Variants in PITPNA observed in about 807,000 individuals in gnomAD.
The protein encoded by PITPNA is phosphatidylinositol transfer protein alpha.
Under a neutral mutation model 50.3 loss-of-function variants are expected in PITPNA, and 13 were observed. The ratio of observed to expected loss-of-function variants is 0.26; its 90% CI spans 0.17 to 0.41. The LOEUF (loss-of-function observed/expected upper bound fraction) is 0.41. Ranked by LOEUF, PITPNA falls within the 10% of genes least tolerant of loss-of-function variation. The pLI, the probability that PITPNA is intolerant of heterozygous loss-of-function variation, is 1.00. For missense variants in PITPNA, 207 were observed against 333.4 expected (o/e 0.62, Z 2.95); for synonymous variants, 120 against 119.6 (o/e 1.00, Z -0.02).
intron 1 of PITPNA, chr17:1,559,770 A>G (rs1182264207): frequency 3.0e-6 from 3 of 985,292 alleles, no homozygotes; most frequent in Non-Finnish European, 3.6e-6. Flanking sequence ...AAGGCAAGAC[A>G]CCAAGCAGGA....
At chr17:1,537,172 T>G (rs2075623030) in intron 7 of PITPNA, among the ~76,000 whole-genome samples, 1 of 152,130 alleles carries the variant, frequency 6.6e-6, no homozygotes, top group Admixed American at 6.5e-5. Context: ...CAAGCGATTC[T>G]CCTGCCTCAG....
intron 10 of PITPNA, among the ~76,000 whole-genome samples, chr17:1,528,069 T>C (rs955533730): frequency 2.0e-5 from 3 of 152,170 alleles, no homozygotes; most frequent in African/African-American, 7.2e-5. Flanking sequence ...CCTGCACCTG[T>C]AGTCCCAGCT....
At chr17:1,530,871 G>A (rs2075578043) in intron 10 of PITPNA, among the ~76,000 whole-genome samples, 1 of 152,186 alleles carries the variant, frequency 6.6e-6, no homozygotes, top group East Asian at 1.9e-4. Context: ...GGAGAGCGGA[G>A]AAGGAGCTGC....
intron 2 of PITPNA, among the ~76,000 whole-genome samples, chr17:1,553,544 T>C (rs1181155479): frequency 1.3e-5 from 2 of 152,046 alleles, no homozygotes; most frequent in African/African-American, 4.8e-5. Context: ...TCCCAGTCAA[T>C]CCATCAGGAT....
intron 3 of PITPNA, among the ~76,000 whole-genome samples, chr17:1,550,655 A>G (rs775930846): frequency 6.6e-6 from 1 of 152,088 alleles, no homozygotes; most frequent in African/African-American, 2.4e-5. Flanking sequence ...CAGCCTCCCA[A>G]GTAGCTGGGA....
In PITPNA at chr17:1,517,963, A is replaced by G. The variant is rs2075476045; in HGVS notation, c.*2598T>C. The G allele has an allele frequency of 6.6e-6, 1 of 152,622 alleles. No individual in the cohort carries two copies. Among genetic ancestry groups the G allele is most frequent in the African/African-American group, 2.4e-5 (1 of 41,426 alleles). 9.5% of individuals were successfully genotyped at this position (152,622 alleles called of 1,614,324 possible). A position where few individuals can be genotyped will look rare whatever the true frequency, so the allele number is the denominator to read the frequency against. ...GAGGATACATACAGCTGGAAAATGGACATCACCAAACTGGACTCCAGAAAG... is the reference window on the plus strand; with the variant it reads ...GAGGATACATACAGCTGGAAAATGGGCATCACCAAACTGGACTCCAGAAAG... On this transcript the variant is annotated 3_prime_UTR_variant, in exon 12 of 12. Transcript: ENST00000313486.
chr17:1,540,925 G>A (rs989469676), intron 6 of PITPNA, among the ~76,000 whole-genome samples: 1 of 152,126 alleles, frequency 6.6e-6, no homozygotes, highest in Admixed American at 6.5e-5. Context: ...TGGAGACAGG[G>A]TGTCACTCTG....
At chr17:1,557,858 T>C in intron 2 of PITPNA, among the ~76,000 whole-genome samples, 1 of 152,146 alleles carries the variant, frequency 6.6e-6, no homozygotes, top group East Asian at 1.9e-4. Context: ...GCTGGTTTGT[T>C]GCACAACCAG....
At chr17:1,542,892 G>A (rs2075654793) in intron 5 of PITPNA, 128 bp downstream of exon 5, 2 of 689,786 alleles carry the variant, frequency 2.9e-6, no homozygotes, top group South Asian at 3.3e-5. Flanking sequence ...CCACTGACAG[G>A]ACTGAGCCTC....
chr17:1,534,982 G>A (rs1370970070), intron 9 of PITPNA, among the ~76,000 whole-genome samples, 200 bp downstream of exon 9: 1 of 151,824 alleles, frequency 6.6e-6, no homozygotes, highest in Non-Finnish European at 1.5e-5. Context: ...ACCCCCCACC[G>A]CACACACACG....
At position 1,552,986 on chromosome 17, in the gene PITPNA, G is replaced by A. The variant is rs753074957; in HGVS notation, c.197+18C>T. On this transcript the variant is annotated intron_variant, in intron 3 of 11. Transcript: ENST00000313486. ...CACACAAAAGCCAGCATCCGGCCCC[G>A]CTGCTCATGCCGCATACCTCTGCAG... 1.6e-5 allele frequency: 25 copies of A among 1,612,504 alleles called. No homozygotes were observed. The highest frequency in any genetic ancestry group is 1.3e-4 in the African/African-American group (10 of 74,902).
At position 1,535,685 on chromosome 17, in the gene PITPNA, C is replaced by T. The variant is rs1276725058; in HGVS notation, c.457-167G>A. 6 of 625,936 alleles carry T rather than the reference C, an allele frequency of 9.6e-6. No homozygotes were observed. The African/African-American group carries it at 1.1e-4, about 11-fold the overall frequency. The allele number at this position is 625,936 out of a possible 1,614,324, so 38.8% of individuals were successfully genotyped here. ...CAAGATGTAGAACTGTTTACATTAG[C>T]CTCAGAGGAGAGTTCTATGTGATTT... On this transcript the variant is annotated intron_variant, in intron 7 of 11. Transcript: ENST00000313486.
intron 7 of PITPNA, among the ~76,000 whole-genome samples, chr17:1,537,980 T>C (rs2075627879): frequency 6.6e-6 from 1 of 152,110 alleles, no homozygotes; most frequent in Admixed American, 6.5e-5. Flanking sequence ...TTTGTATTTT[T>C]AGTAGAGATG....
intron 1 of PITPNA, among the ~76,000 whole-genome samples, chr17:1,560,978 A>G (rs780103982): frequency 6.6e-6 from 1 of 152,182 alleles, no homozygotes; most frequent in East Asian, 1.9e-4. Flanking sequence ...GGGGATGGTC[A>G]AAGTGCGATC....
At chr17:1,561,274 C>T (rs1346587198) in intron 1 of PITPNA, 2 of 152,264 alleles carry the variant, frequency 1.3e-5, no homozygotes, top group African/African-American at 4.8e-5. Flanking sequence ...CACCTGTCCC[C>T]CAGTCCCCTG....
chr17:1,530,051 G>A (rs1418848645), intron 10 of PITPNA, among the ~76,000 whole-genome samples: 3 of 152,084 alleles, frequency 2.0e-5, no homozygotes, highest in East Asian at 1.9e-4. Flanking sequence ...AGGTTGCCAT[G>A]AAAACTGGGT....
chr17:1,550,412 G>C (rs561472518), intron 3 of PITPNA, among the ~76,000 whole-genome samples: 46 of 152,360 alleles, frequency 3.0e-4, no homozygotes, highest in South Asian at 2.1e-3. Context: ...GCTAAGCTAA[G>C]AGACAGATGG....
intron 11 of PITPNA, among the ~76,000 whole-genome samples, chr17:1,520,975 C>T (rs771509754): frequency 6.6e-6 from 1 of 152,058 alleles, no homozygotes; most frequent in African/African-American, 2.4e-5. Context: ...AAACCAGCAC[C>T]GAGAGTTAAC....
At chr17:1,542,821 C>T (rs184893622) in intron 5 of PITPNA, among the ~76,000 whole-genome samples, 199 bp downstream of exon 5, 3 of 152,280 alleles carry the variant, frequency 2.0e-5, no homozygotes, top group East Asian at 1.9e-4. Context: ...TTAATGGAGC[C>T]GCAGGCCAAT....
Sources: gnomAD v4.1 joint callset for allele counts (sites outside exome capture counted in the v4.1 genomes callset) on GRCh38, gnomAD v4.1.1 for gene constraint, MANE v1.5 for transcripts, NCBI Gene and HGNC (gene_info 2026-07-23, HGNC 2026-07-21) for gene names.